The following RUBCN variants were observed in gnomAD, a reference collection of about 807,000 sequenced individuals.
The protein encoded by RUBCN is rubicon autophagy regulator.
A neutral mutation model predicts 113.2 loss-of-function variants in RUBCN; 74 were observed. The observed-to-expected ratio is 0.65, with a 90% CI of 0.54 to 0.79. The LOEUF (loss-of-function observed/expected upper bound fraction) is 0.79. Among genes scored for constraint, RUBCN ranks in the 30% least tolerant of loss-of-function variants. The probability of loss-of-function intolerance (pLI) is 0.00; values close to 1 mark genes in which losing one functional copy is unlikely to be tolerated. For synonymous variants in RUBCN, 480 were observed against 490.0 expected (o/e 0.98, Z 0.27); for missense variants, 1,109 against 1,251.7 (o/e 0.89, Z 1.72).
chr3:197,700,610 T>C lies in RUBCN; in HGVS notation c.1261+3A>G, dbSNP rs761955469. On this transcript the variant is annotated splice_donor_region_variant and intron_variant, in intron 7 of 19. Coordinates refer to ENST00000296343, the MANE Select transcript of RUBCN (RefSeq NM_014687.4). ...CTAACTAGCAGCCGGTGTTCCTCATTACCTGGAGCTCCCCTGGAGGCAATG... is the reference window on the plus strand; with the variant it reads ...CTAACTAGCAGCCGGTGTTCCTCATCACCTGGAGCTCCCCTGGAGGCAATG... The C allele has an allele frequency of 1.2e-6, 2 of 1,614,144 alleles. No homozygotes were observed. Among genetic ancestry groups the C allele is most frequent in the Admixed American group, 1.7e-5 (1 of 60,014 alleles).
intron 17 of RUBCN, 62 bp from the exon 18 acceptor site, chr3:197,677,100 A>G: frequency 1.3e-6 from 2 of 1,530,058 alleles, no homozygotes; most frequent in Non-Finnish European, 1.8e-6. Flanking sequence ...ATCGTAGTAG[A>G]AGGATCCCTA....
intron 2 of RUBCN, among the ~76,000 whole-genome samples, chr3:197,706,704 A>C (rs1323815440): frequency 1.3e-5 from 2 of 152,098 alleles, no homozygotes; most frequent in African/African-American, 2.4e-5. Flanking sequence ...ACAAAAAAAG[A>C]GACAAAGACC....
intron 7 of RUBCN, among the ~76,000 whole-genome samples, chr3:197,698,877 A>C (rs1175633936): frequency 7.2e-5 from 11 of 151,932 alleles, no homozygotes; most frequent in African/African-American, 2.7e-4. Context: ...AAAAGAAAAA[A>C]AAGTCTGCTA....
intron 11 of RUBCN, among the ~76,000 whole-genome samples, chr3:197,691,682 C>G (rs937489600): frequency 6.6e-6 from 1 of 152,208 alleles, no homozygotes; most frequent in Non-Finnish European, 1.5e-5. Context: ...TCTCGGCAGG[C>G]TCCTTACAGA....
chr3:197,685,161 G>C (rs1439112206), intron 11 of RUBCN, among the ~76,000 whole-genome samples: 1 of 152,172 alleles, frequency 6.6e-6, no homozygotes, highest in East Asian at 1.9e-4. Context: ...TGAACCTCCA[G>C]AGACCTCAGA....
intron 1 of RUBCN, among the ~76,000 whole-genome samples, chr3:197,733,313 A>T (rs1727734885): frequency 6.6e-6 from 1 of 152,012 alleles, no homozygotes; most frequent in Non-Finnish European, 1.5e-5. Flanking sequence ...TCACTACAAA[A>T]AATCTGAAAA....
rs145744247 is a variant in RUBCN at position 197,676,669 on chromosome 3, C to T, written c.2646+216G>A. The T allele has an allele frequency of 6.6e-3, 9,396 of 1,419,484 alleles. 80 individuals carry two copies. Among genetic ancestry groups the T allele is most frequent in the South Asian group, 0.028 (1,908 of 67,574 alleles). 87.9% of individuals were successfully genotyped at this position (1,419,484 alleles called of 1,614,324 possible). On this transcript the variant is annotated intron_variant, in intron 18 of 19. Coordinates refer to ENST00000296343, the MANE Select transcript of RUBCN (RefSeq NM_014687.4). ...TGCCCGGAGCTACCCAGGACCACAG[C>T]CAGCACCAGCTCCTCCCCTCACTCG...
exon 1 of RUBCN, chr3:197,749,509 G>T: frequency 1.6e-6 from 2 of 1,288,840 alleles, no homozygotes. Context: ...ATCTACACTC[G>T]CAGGGGTCTG....
rs1158655344 is a variant in RUBCN at position 197,735,743 on chromosome 3, C to A, written c.65+912G>T. ...AGTAGCTGGCACCACAGGTGAGCAC[C>A]ACCACGCCGAGCTAATTTTTGTATT... is the stretch of plus-strand genomic sequence containing the variant. On this transcript the variant is annotated intron_variant, in intron 1 of 19. Coordinates refer to ENST00000296343, the MANE Select transcript of RUBCN (RefSeq NM_014687.4). Among the ~76,000 whole-genome samples, 5 of 152,068 alleles carry A rather than the reference C, an allele frequency of 3.3e-5. No individual in the cohort carries two copies. In the East Asian group the frequency reaches 9.7e-4, roughly 29 times the overall value.
At chr3:197,704,422 G>C (rs933080658) in intron 4 of RUBCN, 120 bp downstream of exon 4, 1 of 940,694 alleles carries the variant, frequency 1.1e-6, no homozygotes, top group South Asian at 1.3e-5. Flanking sequence ...TGACAAGAGC[G>C]TAAGTCCATC....
intron 11 of RUBCN, chr3:197,691,093 T>G: frequency 7.8e-7 from 1 of 1,289,536 alleles, no homozygotes; most frequent in Non-Finnish European, 1.0e-6. Flanking sequence ...TCGAGGCCAG[T>G]GACACTGACA....
chr3:197,710,323 G>A (rs113035775), intron 2 of RUBCN, among the ~76,000 whole-genome samples: 2,213 of 152,238 alleles, frequency 0.015, 36 homozygotes, highest in Admixed American at 0.02. Flanking sequence ...AAAGACGGCC[G>A]GGCGCGGTGG....
In RUBCN at chr3:197,700,815, C is replaced by A; in HGVS notation, c.1059G>T (p.Leu353Phe). The change falls in exon 7 of 20, where the codon TTG becomes TTT. Residue 353 changes from leucine to phenylalanine, a missense_variant. This residue lies in a region of RUBCN where 736 missense variants were observed against 779.6 expected (regional missense o/e 0.94). Transcript: ENST00000296343. ...GCTTCTGGGAGCTGCTGGAGGAGAA[C>A]AAATTGGAACTGCTGCTCTCGGCAT... ...SSNAESSSSNLFSSSSSQKPD... is the reference protein window; with the variant it reads ...SSNAESSSSNFFSSSSSQKPD... The A allele has an allele frequency of 1.2e-6, 2 of 1,614,158 alleles. No individual in the cohort carries two copies. The highest frequency in any genetic ancestry group is 1.7e-6 in the Non-Finnish European group (2 of 1,180,038).
At chr3:197,694,196 G>A (rs1473174021) in intron 10 of RUBCN, 179 bp downstream of exon 10, 1 of 734,762 alleles carries the variant, frequency 1.4e-6, no homozygotes, top group African/African-American at 1.7e-5. Context: ...TGGCCTGGAA[G>A]GCAGGTATTT....
At chr3:197,701,995 T>A in intron 5 of RUBCN, 131 bp from the exon 6 acceptor site, 1 of 795,904 alleles carries the variant, frequency 1.3e-6, no homozygotes, top group Non-Finnish European at 2.1e-6. Flanking sequence ...AGCCAGAGCC[T>A]GTAGATACAG....
At chr3:197,698,735 T>G (rs530059919) in intron 7 of RUBCN, among the ~76,000 whole-genome samples, 2 of 147,042 alleles carry the variant, frequency 1.4e-5, no homozygotes, top group Admixed American at 1.4e-4. Flanking sequence ...GGATCACGCC[T>G]GTAATCCCAG....
intron 1 of RUBCN, among the ~76,000 whole-genome samples, chr3:197,718,625 AT>A (rs1214444417): frequency 6.6e-6 from 1 of 151,782 alleles, no homozygotes; most frequent in Non-Finnish European, 1.5e-5. Context: ...TAATTTTTAA[AT>A]TTTTTGTAGA....
chr3:197,714,399 G>A (rs532275847), intron 2 of RUBCN, among the ~76,000 whole-genome samples: 1 of 152,116 alleles, frequency 6.6e-6, no homozygotes, highest in Non-Finnish European at 1.5e-5. Context: ...TAGCTCACTG[G>A]AGCCTCAACC....
chr3:197,691,226 T>C (rs1722390570), intron 11 of RUBCN: 3 of 811,628 alleles, frequency 3.7e-6, no homozygotes. Flanking sequence ...CATATGTTCC[T>C]GGAATCAAAA....
Sources: allele counts gnomAD v4.1 joint callset (sites outside exome capture counted in the v4.1 genomes callset), GRCh38; gene constraint gnomAD v4.1.1; regional missense constraint gnomAD v4.1.1; transcripts MANE v1.5; gene names NCBI Gene and HGNC (gene_info 2026-07-23, HGNC 2026-07-21).